CDYL2: variants seen among roughly 807,000 people sequenced by gnomAD.
The protein encoded by CDYL2 is chromodomain Y-like protein 2.
Under a neutral mutation model 49.4 loss-of-function variants are expected in CDYL2, and 23 were observed. The observed-to-expected ratio is 0.47, with a 90% CI of 0.34 to 0.66. The LOEUF (loss-of-function observed/expected upper bound fraction) is 0.66. Among genes scored for constraint, CDYL2 ranks in the 30% least tolerant of loss-of-function variants. The pLI is 0.01. For synonymous variants in CDYL2, 360 were observed against 268.8 expected (o/e 1.34, Z -3.32); for missense variants, 678 against 656.4 (o/e 1.03, Z -0.36).
Position 80,693,020 on chromosome 16 carries a change from G to A in CDYL2, c.25-7891C>T, listed in dbSNP as rs568559015. Among the ~76,000 whole-genome samples, 19 of 151,368 alleles carry A rather than the reference G, an allele frequency of 1.3e-4. No homozygotes were observed. The South Asian group carries it at 3.5e-3, about 28-fold the overall frequency. ...GAATGACACACACAACAATTTGGAA[G>A]AAACTCACAGGCATTATGCTGAATG... On this transcript the variant is annotated intron_variant, in intron 1 of 6. Coordinates refer to ENST00000570137, the MANE Select transcript of CDYL2 (RefSeq NM_152342.4).
chr16:80,776,754 T>TA (rs1053384683), intron 1 of CDYL2, among the ~76,000 whole-genome samples: 2 of 151,742 alleles, frequency 1.3e-5, no homozygotes, highest in African/African-American at 2.4e-5. Flanking sequence ...TCTGATTTCA[T>TA]AAATTTTAAA....
At chr16:80,738,727 C>G (rs950528334) in intron 1 of CDYL2, 1 of 152,240 alleles carries the variant, frequency 6.6e-6, no homozygotes, top group Non-Finnish European at 1.5e-5. Context: ...CTAAAAATCA[C>G]TGACTTGTAC....
At chr16:80,614,794 G>A (rs902329712) in intron 4 of CDYL2, among the ~76,000 whole-genome samples, 7 of 151,098 alleles carry the variant, frequency 4.6e-5, no homozygotes, top group East Asian at 2.0e-4. Flanking sequence ...AACCCAGGAG[G>A]TGGAGGTTGT....
At chr16:80,666,423 A>T (rs938556826) in intron 2 of CDYL2, among the ~76,000 whole-genome samples, 1 of 152,214 alleles carries the variant, frequency 6.6e-6, no homozygotes, top group African/African-American at 2.4e-5. Flanking sequence ...TGCGCAAAAT[A>T]CAGAGGCTGC....
At chr16:80,745,657 G>A (rs540262845) in intron 1 of CDYL2, among the ~76,000 whole-genome samples, 1 of 152,318 alleles carries the variant, frequency 6.6e-6, no homozygotes, top group Admixed American at 6.5e-5. Context: ...ACCACAAAGA[G>A]ATGACAGTGC....
intron 2 of CDYL2, among the ~76,000 whole-genome samples, chr16:80,675,753 G>A (rs1045974296): frequency 6.6e-6 from 1 of 152,126 alleles, no homozygotes; most frequent in African/African-American, 2.4e-5. Flanking sequence ...GACATTAGGA[G>A]GTGAAGTTTT....
chr16:80,599,857 C>T lies in CDYL2; in HGVS notation c.*4531G>A, dbSNP rs1163641917. 2 of 152,176 alleles carry T rather than the reference C, an allele frequency of 1.3e-5. No individual in the cohort carries two copies. The allele number at this position is 152,176 out of a possible 1,614,324, so 9.4% of individuals were successfully genotyped here. ...CTGGAAAACCTATCCTTGGTCTATT[C>T]TTATGGCCAAAGACAATCACCAAGG... On this transcript the variant is annotated 3_prime_UTR_variant, in exon 7 of 7. Transcript: ENST00000570137.
chr16:80,676,966 T>C (rs909209912), intron 2 of CDYL2, among the ~76,000 whole-genome samples: 4 of 131,300 alleles, frequency 3.0e-5, no homozygotes, highest in Admixed American at 7.5e-5. Context: ...TCAATGTATT[T>C]TTTTTTTTTT....
intron 2 of CDYL2, among the ~76,000 whole-genome samples, chr16:80,667,111 T>G (rs557845632): frequency 1.3e-5 from 2 of 152,244 alleles, no homozygotes; most frequent in South Asian, 4.1e-4. Context: ...CATGGGGGAA[T>G]TGCTGCTTGA....
rs1407459686 is a variant in CDYL2, at chr16:80,676,961, G to GTCTTTTTT, written c.616+7576_616+7577insAAAAAAGA. ...AGGACTTTTTAACAACCAATTCAAT[G>GTCTTTTTT]TATTTTTTTTTTTTTTTTTTTTTTT... is the stretch of plus-strand genomic sequence containing the variant. On this transcript the variant is annotated intron_variant, in intron 2 of 6. Coordinates refer to ENST00000570137, the MANE Select transcript of CDYL2 (RefSeq NM_152342.4). Among the ~76,000 whole-genome samples, 6 of 110,518 alleles carry GTCTTTTTT rather than the reference G, an allele frequency of 5.4e-5. 1 individual carries two copies. Among genetic ancestry groups the GTCTTTTTT allele is most frequent in the African/African-American group, 3.4e-5 (1 of 29,090 alleles). 72.5% of individuals were successfully genotyped at this position (110,518 alleles called of 152,430 possible). A position where few individuals can be genotyped will look rare whatever the true frequency, so the allele number is the denominator to read the frequency against.
rs113998731 is a variant in CDYL2, at chr16:80,657,684, A to C, written c.617-24448T>G. ...CAGAGAATGTGGGGAGTCAGGCATT[A>C]TCTTCATTGTGGGGGAGATACAGAA... On this transcript the variant is annotated intron_variant, in intron 2 of 6. Transcript: ENST00000570137. Among the ~76,000 whole-genome samples, 1,378 of 152,260 alleles carry C rather than the reference A, an allele frequency of 9.1e-3. 23 individuals are homozygous for C. Among genetic ancestry groups the C allele is most frequent in the African/African-American group, 0.032 (1,312 of 41,544 alleles).
upstream of CDYL2, among the ~76,000 whole-genome samples, chr16:80,804,949 C>T (rs1908056617): frequency 6.6e-6 from 1 of 152,088 alleles, no homozygotes; most frequent in South Asian, 2.1e-4. Context: ...AGACCTGGCC[C>T]CTCGGGGCTG....
rs1906197168 is a variant in CDYL2 at position 80,603,695 on chromosome 16, A to C, written c.*693T>G. 6.5e-6 allele frequency: 1 copy of C among 152,678 alleles called. No homozygotes were observed. Among genetic ancestry groups the C allele is most frequent in the Non-Finnish European group, 1.5e-5 (1 of 68,040 alleles). The allele number at this position is 152,678 out of a possible 1,614,324, so 9.5% of individuals were successfully genotyped here. A position where few individuals can be genotyped will look rare whatever the true frequency, so the allele number is the denominator to read the frequency against. ...AATAAAACAAGTCCAAGGAAAGAAA[A>C]AACATTTCCCTAGTAGTTTGTTTTT... On this transcript the variant is annotated 3_prime_UTR_variant, in exon 7 of 7. Transcript: ENST00000570137.
intron 2 of CDYL2, among the ~76,000 whole-genome samples, chr16:80,667,736 G>T (rs757525082): frequency 6.6e-6 from 1 of 152,178 alleles, no homozygotes; most frequent in Non-Finnish European, 1.5e-5. Context: ...GGAAAAAATT[G>T]AAATAACGGC....
chr16:80,662,818 C>G, intron 2 of CDYL2: 1 of 451,246 alleles, frequency 2.2e-6, no homozygotes, highest in South Asian at 1.6e-5. Context: ...TGGATACCTT[C>G]CACATCTTGA....
chr16:80,756,035 T>C (rs1296852664), intron 1 of CDYL2, among the ~76,000 whole-genome samples: 3 of 152,098 alleles, frequency 2.0e-5, no homozygotes, highest in African/African-American at 4.8e-5. Flanking sequence ...ATAATGATAA[T>C]AACACACATA....
chr16:80,759,748 A>G (rs886982784), intron 1 of CDYL2, among the ~76,000 whole-genome samples: 1 of 152,224 alleles, frequency 6.6e-6, no homozygotes, highest in African/African-American at 2.4e-5. Context: ...ACACGACTGC[A>G]TAACAACAAC....
chr16:80,618,793 A>C (rs1906946643), intron 4 of CDYL2, among the ~76,000 whole-genome samples: 1 of 152,232 alleles, frequency 6.6e-6, no homozygotes, highest in African/African-American at 2.4e-5. Flanking sequence ...GCTGCCCACC[A>C]GAAGGAGCAG....
intron 1 of CDYL2, among the ~76,000 whole-genome samples, chr16:80,757,553 A>AATATATATAT (rs1555535735): frequency 7.0e-6 from 1 of 143,860 alleles, no homozygotes; most frequent in African/African-American, 2.7e-5. Flanking sequence ...AAAAAAAAAA[A>AATATATATAT]ATATATATAT....
Sources: allele counts gnomAD v4.1 joint callset (sites outside exome capture counted in the v4.1 genomes callset), GRCh38; gene constraint gnomAD v4.1.1; transcripts MANE v1.5; gene names NCBI Gene and HGNC (gene_info 2026-07-23, HGNC 2026-07-21).